Variants in NIBAN1 observed in about 807,000 individuals in gnomAD.
NIBAN1 encodes the protein niban apoptosis regulator 1.
A neutral mutation model predicts 75.1 loss-of-function variants in NIBAN1; 81 were observed. The ratio of observed to expected loss-of-function variants is 1.08; its 90% CI spans 0.90 to 1.30. The LOEUF is 1.30. NIBAN1 is among the 50% of genes most tolerant of loss of function. NIBAN1 has a pLI of 0.00. For missense variants in NIBAN1, 1,133 were observed against 1,128.1 expected (o/e 1.00, Z -0.06); for synonymous variants, 436 against 424.8 (o/e 1.03, Z -0.32).
rs747984840 is a variant in NIBAN1 at position 184,884,739 on chromosome 1, G to C, written c.495C>G (p.Tyr165Ter). ...FVVLPKEFPV[Y>*]LWQPFFRHGY... ...CGTGTCTGAAGAAGGGCTGCCACAG[G>C]TACACTGGGAATTCCTTGGGCAGGA... Residue 165 changes from tyrosine (Y) to a stop codon, truncating the protein, a stop_gained, in exon 5 of 14, where the codon TAC (tyrosine) becomes TAG (stop). Coordinates refer to ENST00000367511, the MANE Select transcript of NIBAN1 (RefSeq NM_052966.4). LOFTEE classifies it high-confidence loss of function. The C allele has an allele frequency of 6.2e-7, 1 of 1,614,216 alleles. No individual in the cohort carries two copies. The highest frequency in any genetic ancestry group is 1.1e-5 in the South Asian group (1 of 91,088).
chr1:184,895,678 C>A (rs189601772), intron 2 of NIBAN1, among the ~76,000 whole-genome samples: 163 of 152,120 alleles, frequency 1.1e-3, no homozygotes, highest in African/African-American at 3.9e-3. Context: ...AGCATTGTAC[C>A]CAATAGGTAA....
chr1:184,927,329 C>T (rs1284640052), intron 1 of NIBAN1, among the ~76,000 whole-genome samples: 1 of 152,146 alleles, frequency 6.6e-6, no homozygotes, highest in African/African-American at 2.4e-5. Context: ...TTCAAAGGGA[C>T]TTAAGTGTTG....
intron 2 of NIBAN1, 120 bp from the exon 3 acceptor site, chr1:184,894,326 G>T: frequency 9.2e-7 from 1 of 1,090,896 alleles, no homozygotes; most frequent in Non-Finnish European, 1.2e-6. Flanking sequence ...GAGATCCTGG[G>T]GAAACTGTTG....
chr1:184,959,551 T>C (rs1001047510), intron 1 of NIBAN1, among the ~76,000 whole-genome samples: 6 of 152,230 alleles, frequency 3.9e-5, no homozygotes, highest in Admixed American at 2.6e-4. Flanking sequence ...TTCTGCCTAC[T>C]GTGATAGTTT....
chr1:184,918,962 A>C (rs1017083253), intron 1 of NIBAN1, among the ~76,000 whole-genome samples: 2 of 152,232 alleles, frequency 1.3e-5, no homozygotes, highest in Non-Finnish European at 2.9e-5. Flanking sequence ...TTAATTTGCC[A>C]CACAAATGGA....
chr1:184,911,594 T>G, intron 1 of NIBAN1, among the ~76,000 whole-genome samples: 1 of 152,330 alleles, frequency 6.6e-6, no homozygotes, highest in Non-Finnish European at 1.5e-5. Flanking sequence ...GAAAATGCAC[T>G]AATTAGGTAG....
At chr1:184,928,309 G>T (rs1014473709) in intron 1 of NIBAN1, among the ~76,000 whole-genome samples, 2 of 152,136 alleles carry the variant, frequency 1.3e-5, no homozygotes, top group Admixed American at 1.3e-4. Context: ...GCAGCCTGGG[G>T]TTAGGGGAAT....
chr1:184,940,408 T>C (rs1297259770), intron 1 of NIBAN1, among the ~76,000 whole-genome samples: 2 of 151,308 alleles, frequency 1.3e-5, no homozygotes, highest in Non-Finnish European at 3.0e-5. Flanking sequence ...CTGGCAGTAA[T>C]GTGGAACTTT....
chr1:184,812,594 T>C (rs537412707), intron 9 of NIBAN1, among the ~76,000 whole-genome samples: 19 of 152,240 alleles, frequency 1.2e-4, no homozygotes, highest in Non-Finnish European at 2.5e-4. Context: ...CTTGACTTTG[T>C]AACCACATAG....
At chr1:184,928,227 G>A (rs1312259132) in intron 1 of NIBAN1, among the ~76,000 whole-genome samples, 2 of 152,058 alleles carry the variant, frequency 1.3e-5, no homozygotes, top group African/African-American at 2.4e-5. Context: ...TCCAAGGTGT[G>A]AGACAAAGTC....
chr1:184,795,341 A>T lies in NIBAN1; in HGVS notation c.2423T>A (p.Leu808Gln). 1 of 1,610,336 alleles carries T rather than the reference A, an allele frequency of 6.2e-7. No homozygotes were observed. The highest frequency in any genetic ancestry group is 8.5e-7 in the Non-Finnish European group (1 of 1,178,394). Residue 808 changes from leucine to glutamine, a missense_variant, in exon 14 of 14, where the codon CTG (leucine) becomes CAG (glutamine). Leu to Gln is a moderately radical substitution (Grantham distance 113, BLOSUM62 -2). Transcript: ENST00000367511. ...PASGGLTEEP[L>Q]GPMEGELPGE... is the part of the protein sequence containing the mutation. ...TGGGAGCTCCCCCTCCATGGGCCCCAGGGGCTCCTCGGTGAGCCCTCCACT... is the reference window on the plus strand; with the variant it reads ...TGGGAGCTCCCCCTCCATGGGCCCCTGGGGCTCCTCGGTGAGCCCTCCACT...
chr1:184,938,296 A>G (rs1658010244), intron 1 of NIBAN1, among the ~76,000 whole-genome samples: 1 of 152,222 alleles, frequency 6.6e-6, no homozygotes, highest in Non-Finnish European at 1.5e-5. Context: ...TATCAAAGAC[A>G]TTTTGGAGTA....
chr1:184,804,282 C>T (rs994466046), intron 11 of NIBAN1, among the ~76,000 whole-genome samples: 5 of 152,058 alleles, frequency 3.3e-5, no homozygotes, highest in South Asian at 4.1e-4. Context: ...TCATAGGCAG[C>T]GAGAAGAATG....
chr1:184,968,417 A>T (rs1054300798), intron 1 of NIBAN1, among the ~76,000 whole-genome samples: 1 of 152,228 alleles, frequency 6.6e-6, no homozygotes, highest in African/African-American at 2.4e-5. Flanking sequence ...CTTCCTTGGT[A>T]GTCTGGCATG....
chr1:184,883,985 A>T (rs556330281), intron 5 of NIBAN1, among the ~76,000 whole-genome samples: 145 of 152,340 alleles, frequency 9.5e-4, no homozygotes, highest in African/African-American at 3.4e-3. Context: ...AGATTTTTTT[A>T]AATCAGGAAG....
At chr1:184,832,203 TAGA>T (rs1250352583) in intron 5 of NIBAN1, among the ~76,000 whole-genome samples, 1 of 152,226 alleles carries the variant, frequency 6.6e-6, no homozygotes, top group Non-Finnish European at 1.5e-5. Flanking sequence ...TGGTTAGGAC[TAGA>T]AGGAGGCCCG....
At chr1:184,850,724 T>G (rs1204497979) in intron 5 of NIBAN1, among the ~76,000 whole-genome samples, 9 of 22,538 alleles carry the variant, frequency 4.0e-4, no homozygotes, top group African/African-American at 1.2e-3. Context: ...TTTCACAACC[T>G]AGTCATCTGA....
At chr1:184,836,675 T>C (rs1286235083) in intron 5 of NIBAN1, among the ~76,000 whole-genome samples, 2 of 152,160 alleles carry the variant, frequency 1.3e-5, no homozygotes, top group African/African-American at 4.8e-5. Context: ...AAGAAAAGTA[T>C]TAATAATCAA....
intron 1 of NIBAN1, among the ~76,000 whole-genome samples, chr1:184,972,837 C>A (rs1391117319): frequency 1.3e-5 from 2 of 152,194 alleles, no homozygotes; most frequent in Non-Finnish European, 1.5e-5. Context: ...GCATGTTAAT[C>A]CTTCACATTG....
Sources: allele counts gnomAD v4.1 joint callset (sites outside exome capture counted in the v4.1 genomes callset), GRCh38; gene constraint gnomAD v4.1.1; transcripts MANE v1.5; gene names NCBI Gene and HGNC (gene_info 2026-07-23, HGNC 2026-07-21).